MSN: variants seen among roughly 807,000 people sequenced by gnomAD.
The protein encoded by MSN is epididymis luminal protein 70.
In MSN, 2 loss-of-function variants were observed where a neutral mutation model predicts 48.0. The ratio of observed to expected loss-of-function variants is 0.04; its 90% CI spans 0.02 to 0.13. The LOEUF is 0.13. Ranked by LOEUF, MSN falls within the 10% of genes least tolerant of loss-of-function variation. MSN has a pLI of 1.00. For missense variants in MSN, 267 were observed against 470.1 expected (o/e 0.57, Z 3.99); for synonymous variants, 146 against 166.9 (o/e 0.87, Z 0.97).
intron 8 of MSN, among the ~76,000 whole-genome samples, chrX:65,736,431 C>G (rs2071676314): frequency 1.0e-5 from 1 of 97,937 alleles, no homozygotes; most frequent in Non-Finnish European, 1.9e-5. Context: ...CTTGGAATTC[C>G]CCAGGCTTTT....
At chrX:65,615,314 C>T (rs1482870733) in intron 1 of MSN, among the ~76,000 whole-genome samples, 1 of 107,816 alleles carries the variant, frequency 9.3e-6, no homozygotes, top group Non-Finnish European at 1.9e-5. Context: ...AGTTTACAGT[C>T]CCACCAACAG....
At chrX:65,674,543 C>T in intron 1 of MSN, among the ~76,000 whole-genome samples, 1 of 111,955 alleles carries the variant, frequency 8.9e-6, no homozygotes, top group Non-Finnish European at 1.9e-5. Context: ...ACCCCTCACC[C>T]CAGTTCCCTG....
chrX:65,651,358 G>C (rs1165524588), intron 1 of MSN, among the ~76,000 whole-genome samples: 1 of 105,646 alleles, frequency 9.5e-6, no homozygotes, highest in Non-Finnish European at 1.9e-5. Flanking sequence ...ATAAAATTAA[G>C]ATATGGATAT....
chrX:65,711,787 A>T (rs769268544), intron 1 of MSN, among the ~76,000 whole-genome samples: 1 of 111,789 alleles, frequency 8.9e-6, no homozygotes, highest in Non-Finnish European at 1.9e-5. Context: ...GGCACAAAAA[A>T]GTCAAGATGT....
At chrX:65,663,390 A>G (rs2070839826), upstream of MSN, among the ~76,000 whole-genome samples, 1 of 111,269 alleles carries the variant, frequency 9.0e-6, no homozygotes, top group Non-Finnish European at 1.9e-5. Flanking sequence ...CTAACCCACA[A>G]TCTAACAGAT....
In MSN at chrX:65,625,144, A is replaced by G. The variant is rs188689187; in HGVS notation, c.-22+36532A>G. ...CATGTGGTCGAGGAAGATACTTTGT[A>G]TGGTTTCAATGTTTAAAAAATTTAT... On this transcript the variant is annotated intron_variant, in intron 1 of 3. Transcript: ENST00000609672. 6.9e-4 allele frequency: 78 copies of G among 112,742 alleles called. 1 individual carries two copies. The East Asian group carries it at 0.013, about 18-fold the overall frequency. The allele number at this position is 112,742 out of a possible 1,213,427, so 9.3% of individuals were successfully genotyped here.
intron 1 of MSN, among the ~76,000 whole-genome samples, chrX:65,680,455 A>G (rs985215647): frequency 1.8e-5 from 2 of 112,295 alleles, no homozygotes; most frequent in African/African-American, 6.5e-5. Context: ...AGGCTATGCC[A>G]TAATTTAAAA....
At chrX:65,625,169 T>C (rs1458713850) in intron 1 of MSN, 1 of 112,777 alleles carries the variant, frequency 8.9e-6, no homozygotes, top group Non-Finnish European at 1.9e-5. Context: ...AAAAAATTTA[T>C]TGGGACTTGT....
intron 6 of MSN, among the ~76,000 whole-genome samples, chrX:65,732,868 G>A (rs2071636086): frequency 9.0e-6 from 1 of 111,574 alleles, no homozygotes; most frequent in African/African-American, 3.3e-5. Flanking sequence ...CAGCTGACCT[G>A]GTGGCGTGTG....
At chrX:65,624,171 C>A (rs193093616) in intron 1 of MSN, among the ~76,000 whole-genome samples, 1 of 109,829 alleles carries the variant, frequency 9.1e-6, no homozygotes, top group African/African-American at 3.4e-5. Context: ...CTCCGCCTCC[C>A]GGGCTCAAGT....
chrX:65,731,353 G>C (rs767281121), intron 5 of MSN, among the ~76,000 whole-genome samples, 163 bp downstream of exon 5: 1 of 112,199 alleles, frequency 8.9e-6, no homozygotes, highest in Non-Finnish European at 1.9e-5. Flanking sequence ...GCTGTTTTTT[G>C]TTTGCTTGTT....
chrX:65,711,938 G>A lies in MSN; in HGVS notation c.13-4880G>A, dbSNP rs765405532. ...CTGGAAAGGTAATTCTAAGTAAGAC[G>A]TAAACTTTGAGTTGAGAATGAAGTC... On this transcript the variant is annotated intron_variant, in intron 1 of 12. Coordinates refer to ENST00000360270, the MANE Select transcript of MSN (RefSeq NM_002444.3). Among the ~76,000 whole-genome samples, 71 of 111,632 alleles carry A rather than the reference G, an allele frequency of 6.4e-4. No individual in the cohort carries two copies. The Middle Eastern group carries it at 0.014, about 22-fold the overall frequency.
At chrX:65,716,539 G>A (rs1348698010) in intron 1 of MSN, 2 of 378,270 alleles carry the variant, frequency 5.3e-6, no homozygotes, top group Admixed American at 3.0e-5. Flanking sequence ...GCCTCCCAAA[G>A]TGCTGGGATT....
chrX:65,655,859 C>T (rs544440868), intron 1 of MSN, among the ~76,000 whole-genome samples: 8 of 112,053 alleles, frequency 7.1e-5, no homozygotes, highest in Middle Eastern at 9.2e-3. Flanking sequence ...CTCTGCTTCC[C>T]GGGTTCAAGT....
intron 1 of MSN, among the ~76,000 whole-genome samples, chrX:65,648,234 C>A (rs2070709891): frequency 8.9e-6 from 1 of 111,756 alleles, no homozygotes; most frequent in African/African-American, 3.3e-5. Flanking sequence ...GTTTTTGAGG[C>A]CTGGAGTGGT....
intron 1 of MSN, among the ~76,000 whole-genome samples, chrX:65,590,843 C>G (rs139877041): frequency 2.7e-5 from 3 of 111,260 alleles, no homozygotes; most frequent in Non-Finnish European, 5.7e-5. Flanking sequence ...AGCAGAACAA[C>G]GGTTTTGTTT....
chrX:65,668,616 C>T (rs977906431), intron 1 of MSN, among the ~76,000 whole-genome samples: 1 of 111,558 alleles, frequency 9.0e-6, no homozygotes, highest in African/African-American at 3.3e-5. Flanking sequence ...CCACACCTTT[C>T]TAGAGTGGTG....
intron 1 of MSN, 160 bp from the exon 2 acceptor site, chrX:65,716,658 T>C (rs2071469232): frequency 8.5e-6 from 4 of 469,662 alleles, no homozygotes; most frequent in Middle Eastern, 3.4e-4. Context: ...GCAGGGGTTG[T>C]GTTTGGGTCA....
upstream of MSN, among the ~76,000 whole-genome samples, chrX:65,665,731 T>A (rs1338848615): frequency 9.0e-6 from 1 of 111,241 alleles, no homozygotes; most frequent in East Asian, 2.8e-4. Flanking sequence ...AGCCCCGGAG[T>A]CCAGTCCTTT....
Sources: gnomAD v4.1 joint callset for allele counts (sites outside exome capture counted in the v4.1 genomes callset) on GRCh38, gnomAD v4.1.1 for gene constraint, MANE v1.5 for transcripts, NCBI Gene and HGNC (gene_info 2026-07-23, HGNC 2026-07-21) for gene names.